The following AGBL1 variants were observed in gnomAD, a reference collection of about 807,000 sequenced individuals.
The protein encoded by AGBL1 is cytosolic carboxypeptidase 4.
In AGBL1, 130 loss-of-function variants were observed where a neutral mutation model predicts 118.9. The ratio of observed to expected loss-of-function variants is 1.09; its 90% CI spans 0.95 to 1.26. The LOEUF (loss-of-function observed/expected upper bound fraction) is 1.26, where lower values mean the gene tolerates loss of function less well. Among genes scored for constraint, AGBL1 ranks in the 50% most tolerant of loss-of-function variants. AGBL1 has a pLI of 0.00. For synonymous variants in AGBL1, 555 were observed against 478.9 expected, an observed-to-expected ratio of 1.16 and a Z score of -2.08; for missense variants, 1,584 against 1,298.1, an observed-to-expected ratio of 1.22 and a Z score of -3.38.
At chr15:86,710,561 T>C (rs1039323469) in intron 22 of AGBL1, among the ~76,000 whole-genome samples, 8 of 152,290 alleles carry the variant, frequency 5.3e-5, no homozygotes, top group African/African-American at 1.9e-4. Context: ...TCAAACACAT[T>C]TGATTACCCT....
chr15:86,889,261 A>G (rs1254839745), intron 22 of AGBL1, among the ~76,000 whole-genome samples: 6 of 144,764 alleles, frequency 4.1e-5, no homozygotes, highest in Non-Finnish European at 8.9e-5. Flanking sequence ...GATACCGCTT[A>G]CTATAGAAAG....
intron 21 of AGBL1, among the ~76,000 whole-genome samples, chr15:86,607,562 C>T (rs2447261): frequency 0.49 from 75,053 of 151,960 alleles, 18,705 homozygotes; most frequent in East Asian, 0.73. Flanking sequence ...GTTCCCTCTA[C>T]GCCATATCCT....
chr15:86,814,348 A>G (rs2078831356), intron 22 of AGBL1, among the ~76,000 whole-genome samples: 1 of 152,314 alleles, frequency 6.6e-6, no homozygotes, highest in South Asian at 2.1e-4. Context: ...CTGTGGAAAC[A>G]TCATCTTCCA....
chr15:86,733,381 A>G (rs979421326), intron 22 of AGBL1, among the ~76,000 whole-genome samples: 4 of 152,250 alleles, frequency 2.6e-5, no homozygotes, highest in East Asian at 1.9e-4. Context: ...GATGAGAGCA[A>G]TCTTTTTTAC....
chr15:86,563,498 G>T (rs2083862378), intron 21 of AGBL1, among the ~76,000 whole-genome samples: 3 of 151,802 alleles, frequency 2.0e-5, no homozygotes, highest in South Asian at 2.1e-4. Flanking sequence ...TTGCACTGTG[G>T]TCTGAGAGAC....
chr15:86,247,057 A>G (rs2078732239), intron 6 of AGBL1, among the ~76,000 whole-genome samples: 1 of 152,230 alleles, frequency 6.6e-6, no homozygotes, highest in African/African-American at 2.4e-5. Flanking sequence ...TCCTAAAAAC[A>G]AAAGTATTCT....
chr15:86,700,917 C>T (rs2086347126), intron 22 of AGBL1, among the ~76,000 whole-genome samples: 1 of 152,054 alleles, frequency 6.6e-6, no homozygotes, highest in South Asian at 2.1e-4. Context: ...CCCCAAGAGA[C>T]AGTCAGAGTC....
At chr15:86,212,780 G>C (rs1241532216) in intron 5 of AGBL1, among the ~76,000 whole-genome samples, 1 of 152,168 alleles carries the variant, frequency 6.6e-6, no homozygotes, top group Non-Finnish European at 1.5e-5. Context: ...CTCCCAAGTA[G>C]CTGGGATTAT....
intron 21 of AGBL1, among the ~76,000 whole-genome samples, chr15:86,641,176 G>A (rs1445359115): frequency 1.3e-5 from 2 of 151,912 alleles, no homozygotes; most frequent in East Asian, 1.9e-4. Flanking sequence ...TGTATATGAT[G>A]TTTTTGACAT....
intron 6 of AGBL1, among the ~76,000 whole-genome samples, chr15:86,236,259 A>C (rs1436534060): frequency 6.6e-6 from 1 of 151,892 alleles, no homozygotes; most frequent in East Asian, 1.9e-4. Context: ...CAGTATGGCA[A>C]CCACTGCCCA....
At chr15:86,815,235 G>T (rs2078842018) in intron 22 of AGBL1, among the ~76,000 whole-genome samples, 1 of 152,112 alleles carries the variant, frequency 6.6e-6, no homozygotes, top group Non-Finnish European at 1.5e-5. Context: ...TGTATTAGAT[G>T]ATTTAGGAGA....
At chr15:86,431,923 C>T (rs1278874899) in intron 18 of AGBL1, among the ~76,000 whole-genome samples, 2 of 152,120 alleles carry the variant, frequency 1.3e-5, no homozygotes, top group Non-Finnish European at 2.9e-5. Flanking sequence ...CACCCCAGGG[C>T]TACTGGGCTG....
chr15:86,366,462 G>A (rs1284076207), intron 17 of AGBL1, among the ~76,000 whole-genome samples: 2 of 152,122 alleles, frequency 1.3e-5, no homozygotes, highest in Non-Finnish European at 2.9e-5. Flanking sequence ...GCAAAGAGAG[G>A]TTAATTGTCA....
intron 1 of AGBL1, among the ~76,000 whole-genome samples, chr15:86,112,355 T>G (rs1045508726): frequency 6.6e-6 from 1 of 151,712 alleles, no homozygotes; most frequent in African/African-American, 2.4e-5. Context: ...TATGCATGTT[T>G]AAACAAAAAA....
rs76442518 is a variant in AGBL1, at chr15:86,228,509, A to T, written c.526+3558A>T. Among the ~76,000 whole-genome samples, 339 of 152,308 alleles carry T rather than the reference A, an allele frequency of 2.2e-3. 1 individual carries two copies. Among genetic ancestry groups the T allele is most frequent in the African/African-American group, 7.9e-3 (330 of 41,574 alleles). The stretch of plus-strand genomic sequence containing the variant: ...CCACTACTCTGCAGGGAGAGGGGGC[A>T]GTCAGTGGTCCTGTGACAGTAAACA... On this transcript the variant is annotated intron_variant, in intron 6 of 22. Transcript: ENST00000614907.
chr15:86,661,487 T>C (rs1043111027), intron 21 of AGBL1, among the ~76,000 whole-genome samples: 6 of 151,920 alleles, frequency 3.9e-5, no homozygotes, highest in South Asian at 2.1e-4. Context: ...GAGATAATGA[T>C]GCTAACCCAG....
intron 20 of AGBL1, 40 bp from the exon 21 acceptor site, chr15:86,554,321 C>T (rs757921543): frequency 4.1e-6 from 6 of 1,479,264 alleles, no homozygotes; most frequent in South Asian, 1.3e-5. Flanking sequence ...TCCCTAGTCA[C>T]CCACAACTAA....
chr15:86,154,625 T>C, intron 4 of AGBL1, 64 bp downstream of exon 4: 1 of 1,529,810 alleles, frequency 6.5e-7, no homozygotes, highest in Non-Finnish European at 8.8e-7. Flanking sequence ...ACATGGAAAC[T>C]GCATGAGGGT....
rs1323339149 is a variant in AGBL1, at chr15:86,437,635, C to T, written c.2555+40089C>T. Among the ~76,000 whole-genome samples, 4 of 152,190 alleles carry T rather than the reference C, an allele frequency of 2.6e-5. No individual in the cohort carries two copies. The South Asian group carries it at 6.2e-4, about 24-fold the overall frequency. ...CCTGGTTGGTGACTAAAGTGCTAGG[C>T]CTCTTACAAGAACATCAACAGTTTC... On this transcript the variant is annotated intron_variant, in intron 18 of 22. Coordinates refer to ENST00000614907, the MANE Select transcript of AGBL1 (RefSeq NM_001386094.1).
Sources: gnomAD v4.1 joint callset for allele counts (sites outside exome capture counted in the v4.1 genomes callset) on GRCh38, gnomAD v4.1.1 for gene constraint, MANE v1.5 for transcripts, NCBI Gene and HGNC (gene_info 2026-07-23, HGNC 2026-07-21) for gene names.